GNAL: variants seen among roughly 807,000 people sequenced by gnomAD.
The protein encoded by GNAL is guanine nucleotide-binding protein G(olf) subunit alpha.
In GNAL, 18 loss-of-function variants were observed where a neutral mutation model predicts 55.1. That is an observed-to-expected ratio of 0.33 (90% CI 0.23 to 0.48). GNAL has a LOEUF of 0.48. GNAL is among the 20% of genes least tolerant of loss of function. GNAL has a pLI of 0.99. For synonymous variants in GNAL, 253 were observed against 237.0 expected (o/e 1.07, Z -0.62); for missense variants, 412 against 614.1 (o/e 0.67, Z 3.48).
chr18:11,808,807 G>A (rs1033529404), intron 4 of GNAL, among the ~76,000 whole-genome samples: 1 of 152,260 alleles, frequency 6.6e-6, no homozygotes, highest in Non-Finnish European at 1.5e-5. Context: ...GTAATGGAAT[G>A]CCGTTCGGCA....
intron 11 of GNAL, 149 bp from the exon 12 acceptor site, chr18:11,880,840 T>G (rs887630224): frequency 6.6e-6 from 5 of 759,120 alleles, no homozygotes; most frequent in Non-Finnish European, 1.1e-5. Flanking sequence ...GATGCTTGCA[T>G]TGAGACCATT....
At chr18:11,826,994 C>T (rs973430151) in intron 5 of GNAL, among the ~76,000 whole-genome samples, 1 of 152,116 alleles carries the variant, frequency 6.6e-6, no homozygotes, top group African/African-American at 2.4e-5. Context: ...AGCCTCACAG[C>T]ACATCTGGGA....
At chr18:11,732,296 A>C (rs2032356883) in intron 1 of GNAL, among the ~76,000 whole-genome samples, 1 of 152,224 alleles carries the variant, frequency 6.6e-6, no homozygotes, top group African/African-American at 2.4e-5. Context: ...TCCCACCAGC[A>C]GTGTATGAAG....
chr18:11,719,199 C>G (rs1252681142), intron 1 of GNAL, among the ~76,000 whole-genome samples: 2 of 151,696 alleles, frequency 1.3e-5, no homozygotes, highest in African/African-American at 4.8e-5. Context: ...TGTCTGAATT[C>G]TATCATTAAA....
chr18:11,714,076 C>T (rs1354518451), intron 1 of GNAL, among the ~76,000 whole-genome samples: 1 of 152,228 alleles, frequency 6.6e-6, no homozygotes, highest in Admixed American at 6.5e-5. Context: ...AACTAAACTG[C>T]ATCACAAAAG....
intron 4 of GNAL, among the ~76,000 whole-genome samples, chr18:11,814,543 AAG>A (rs1306159535): frequency 6.6e-6 from 1 of 151,962 alleles, no homozygotes; most frequent in Non-Finnish European, 1.5e-5. Flanking sequence ...AGAAAAGAAA[AAG>A]AAAAAAAATG....
Position 11,843,926 on chromosome 18 carries a change from T to C in GNAL, c.723-18469T>C, listed in dbSNP as rs139322672. 9.2e-5 allele frequency among the ~76,000 whole-genome samples: 14 copies of C among 151,902 alleles called. No homozygotes were observed. The East Asian group carries it at 2.7e-3, about 30-fold the overall frequency. ...AGGCAGAGGTTTCAGTGAGCCGAGATTGTGCCATTGCACTCCAGCCTGGGC... is the reference window on the plus strand; with the variant it reads ...AGGCAGAGGTTTCAGTGAGCCGAGACTGTGCCATTGCACTCCAGCCTGGGC... On this transcript the variant is annotated intron_variant, in intron 5 of 11. Coordinates refer to ENST00000334049, the MANE Select transcript of GNAL (RefSeq NM_182978.4).
intron 5 of GNAL, among the ~76,000 whole-genome samples, chr18:11,859,720 C>T (rs908060442): frequency 1.6e-4 from 25 of 152,144 alleles, no homozygotes; most frequent in African/African-American, 6.0e-4. Flanking sequence ...CTGGGCCATA[C>T]CTCTGCAGAG....
In GNAL at chr18:11,689,845, G is replaced by T. The variant is rs1380226886; in HGVS notation, c.282G>T (p.Ala94=). The T allele has an allele frequency of 1.6e-5, 25 of 1,534,092 alleles. No individual in the cohort carries two copies. Among genetic ancestry groups the T allele is most frequent in the Non-Finnish European group, 2.1e-5 (24 of 1,143,628 alleles). The part of the protein sequence containing the change: ...EEREAAKERE[A]VKEARKVSRG... The stretch of plus-strand genomic sequence containing the variant: ...GCGAGGCGGCCAAGGAGCGCGAGGC[G>T]GTCAAGGAGGCGAGGAAAGTGAGCC... The change falls in exon 1 of 12, where the codon GCG becomes GCT. Residue 94 remains alanine (A), a synonymous_variant. Transcript: ENST00000334049.
At chr18:11,771,228 A>G (rs189281056) in intron 4 of GNAL, among the ~76,000 whole-genome samples, 2 of 151,894 alleles carry the variant, frequency 1.3e-5, no homozygotes, top group Non-Finnish European at 2.9e-5. Flanking sequence ...AAAAAAAAAA[A>G]AAAGAAAAAA....
At chr18:11,713,119 C>G (rs1024936112) in intron 1 of GNAL, among the ~76,000 whole-genome samples, 2 of 152,214 alleles carry the variant, frequency 1.3e-5, no homozygotes, top group Non-Finnish European at 2.9e-5. Flanking sequence ...CATGTGTGTA[C>G]AACACGAAGT....
At chr18:11,749,211 G>T (rs1327728392) in intron 1 of GNAL, among the ~76,000 whole-genome samples, 1 of 151,534 alleles carries the variant, frequency 6.6e-6, no homozygotes, top group Non-Finnish European at 1.5e-5. Flanking sequence ...TGCCACGTGT[G>T]AATATATGTC....
chr18:11,814,227 G>A (rs1311322194), intron 4 of GNAL, among the ~76,000 whole-genome samples: 1 of 152,122 alleles, frequency 6.6e-6, no homozygotes, highest in African/African-American at 2.4e-5. Flanking sequence ...TGTTCATCAG[G>A]CACAGAAAAA....
intron 5 of GNAL, among the ~76,000 whole-genome samples, chr18:11,844,383 G>A (rs4797584): frequency 2.0e-5 from 3 of 151,788 alleles, no homozygotes; most frequent in Admixed American, 1.3e-4. Context: ...GCAGTGAGCC[G>A]AGATCACACC....
intron 1 of GNAL, among the ~76,000 whole-genome samples, chr18:11,695,924 A>ACGCATG (rs1555640058): frequency 7.1e-6 from 1 of 141,358 alleles, no homozygotes; most frequent in Admixed American, 6.9e-5. Context: ...GCACGCATGC[A>ACGCATG]CACACACACA....
chr18:11,796,836 T>G (rs2034402650), intron 4 of GNAL, among the ~76,000 whole-genome samples: 1 of 152,188 alleles, frequency 6.6e-6, no homozygotes, highest in South Asian at 2.1e-4. Flanking sequence ...AAGTATCCCA[T>G]TACTCATTTC....
intron 4 of GNAL, among the ~76,000 whole-genome samples, chr18:11,819,881 A>C (rs528577046): frequency 6.6e-6 from 1 of 152,100 alleles, no homozygotes; most frequent in East Asian, 1.9e-4. Context: ...AACAGACAAC[A>C]AGAGAAAAGA....
At position 11,866,101 on chromosome 18, in the gene GNAL, G is replaced by A. The variant is rs1035904857; in HGVS notation, c.852-1067G>A. On this transcript the variant is annotated intron_variant, in intron 7 of 11. Coordinates refer to ENST00000334049, the MANE Select transcript of GNAL (RefSeq NM_182978.4). ...CAGCTACATCTCTCTGCTGGGAGGC[G>A]CACAGTGCAGTATGGAGTTGGCGTG... 7.3e-5 allele frequency among the ~76,000 whole-genome samples: 11 copies of A among 149,996 alleles called. 2 individuals are homozygous for A. Among genetic ancestry groups the A allele is most frequent in the African/African-American group, 2.5e-4 (10 of 39,346 alleles).
chr18:11,805,918 T>A (rs2034646246), intron 4 of GNAL, among the ~76,000 whole-genome samples: 1 of 152,222 alleles, frequency 6.6e-6, no homozygotes, highest in African/African-American at 2.4e-5. Flanking sequence ...ATTTGAGGAA[T>A]CTCCATACTG....
Sources: allele counts gnomAD v4.1 joint callset (sites outside exome capture counted in the v4.1 genomes callset), GRCh38; gene constraint gnomAD v4.1.1; transcripts MANE v1.5; gene names NCBI Gene and HGNC (gene_info 2026-07-23, HGNC 2026-07-21).